The following POU3F3 variants were observed in gnomAD, a reference collection of about 807,000 sequenced individuals.
POU3F3 encodes POU domain, class 3, transcription factor 3.
A neutral mutation model predicts 8.6 loss-of-function variants in POU3F3; 1 was observed. The ratio of observed to expected loss-of-function variants is 0.12; its 90% CI spans 0.04 to 0.55. The LOEUF (loss-of-function observed/expected upper bound fraction) is 0.55, where lower values mean the gene tolerates loss of function less well. POU3F3 is among the 20% of genes least tolerant of loss of function. POU3F3 has a pLI of 0.91. For synonymous variants in POU3F3, 418 were observed against 327.4 expected (o/e 1.28, Z -2.99); for missense variants, 577 against 690.7 (o/e 0.84, Z 1.84).
chr2:104,879,787 G>T, the POU3F3 span, among the ~76,000 whole-genome samples: 3 of 152,166 alleles, frequency 2.0e-5, no homozygotes, highest in African/African-American at 7.2e-5. Context: ...GGTGCAGGGG[G>T]TGTATCCAGG....
downstream of POU3F3, among the ~76,000 whole-genome samples, chr2:104,862,321 G>T (rs954709169): frequency 2.0e-5 from 3 of 152,230 alleles, no homozygotes; most frequent in Non-Finnish European, 2.9e-5. Flanking sequence ...TTCTCTTGGC[G>T]GCACGATGTG....
At chr2:104,913,068 G>C in the POU3F3 span, among the ~76,000 whole-genome samples, 1 of 152,162 alleles carries the variant, frequency 6.6e-6, no homozygotes, top group African/African-American at 2.4e-5. Context: ...GAATGGCCAC[G>C]GGATTGCAAA....
In POU3F3 at chr2:104,856,246, G is replaced by T; in HGVS notation, c.736G>T (p.Gly246Cys). 7.8e-7 allele frequency: 1 copy of T among 1,283,106 alleles called. No homozygotes were observed. Among genetic ancestry groups the T allele is most frequent in the Non-Finnish European group, 9.8e-7 (1 of 1,024,526 alleles). 79.5% of individuals were successfully genotyped at this position (1,283,106 alleles called of 1,614,324 possible). A position where few individuals can be genotyped will look rare whatever the true frequency, so the allele number is the denominator to read the frequency against. Reference protein sequence around the residue: ...APPGPGGGGGGAGGGAQSLVH... With the variant: ...APPGPGGGGGCAGGGAQSLVH... Reference sequence around the variant, plus strand: ...ACCGGGGCCCGGCGGCGGCGGCGGCGGCGCGGGCGGTGGAGCCCAGAGCTT... The same window carrying T: ...ACCGGGGCCCGGCGGCGGCGGCGGCTGCGCGGGCGGTGGAGCCCAGAGCTT... The change falls in exon 1 of 1, where the codon GGC (glycine) becomes TGC (cysteine). Residue 246 changes from glycine (G) to cysteine (C), a missense_variant. Physicochemically the swap from Gly to Cys is radical, Grantham distance 159. Coordinates refer to ENST00000361360, the MANE Select transcript of POU3F3 (RefSeq NM_006236.3).
chr2:104,855,942 G>A lies in POU3F3; in HGVS notation c.432G>A (p.Pro144=), dbSNP rs946024694. The A allele has an allele frequency of 2.1e-5, 22 of 1,062,328 alleles. No homozygotes were observed. The African/African-American group carries it at 3.5e-4, about 17-fold the overall frequency. The allele number at this position is 1,062,328 out of a possible 1,614,324, so 65.8% of individuals were successfully genotyped here. Residue 144 remains proline, a synonymous_variant, in exon 1 of 1, where the codon CCG becomes CCA. Coordinates refer to ENST00000361360, the MANE Select transcript of POU3F3 (RefSeq NM_006236.3). ...CACCGCAGCCGCCGCCGCCACCGCC[G>A]CAGGGCCCCGACGTGAAGGGCGGCG... The part of the protein sequence containing the change: ...QQPPQPPPPP[P]QGPDVKGGAG...
At chr2:104,886,824 C>T in the POU3F3 span, among the ~76,000 whole-genome samples, 1 of 152,072 alleles carries the variant, frequency 6.6e-6, no homozygotes, top group Non-Finnish European at 1.5e-5. Flanking sequence ...AGGAGAATCA[C>T]TTGAACCTGG....
the POU3F3 span, among the ~76,000 whole-genome samples, chr2:104,864,098 C>T: frequency 1.8e-4 from 28 of 152,330 alleles, no homozygotes; most frequent in East Asian, 9.7e-4. Flanking sequence ...CGGTGAGGGT[C>T]GCTCCCCCAG....
the POU3F3 span, among the ~76,000 whole-genome samples, chr2:104,913,347 G>A: frequency 1.3e-5 from 2 of 152,060 alleles, no homozygotes; most frequent in African/African-American, 4.8e-5. Context: ...GATTCTCAGG[G>A]GATCCTCTGG....
the POU3F3 span, among the ~76,000 whole-genome samples, chr2:104,914,947 G>T: frequency 2.6e-5 from 4 of 152,340 alleles, no homozygotes; most frequent in Non-Finnish European, 5.9e-5. Flanking sequence ...AGGACAGTCT[G>T]CTGACCTCTC....
chr2:104,859,063 T>C (rs1425415894), downstream of POU3F3, among the ~76,000 whole-genome samples: 2 of 152,146 alleles, frequency 1.3e-5, no homozygotes, highest in East Asian at 3.9e-4. Flanking sequence ...ATAAGTCTTA[T>C]AAAATATTTT....
the POU3F3 span, among the ~76,000 whole-genome samples, chr2:104,895,891 G>A: frequency 1.3e-5 from 2 of 152,190 alleles, no homozygotes; most frequent in Non-Finnish European, 2.9e-5. Flanking sequence ...ACGGGCTAAA[G>A]GCCAGCTAGC....
At chr2:104,888,453 G>A in the POU3F3 span, among the ~76,000 whole-genome samples, 2 of 152,294 alleles carry the variant, frequency 1.3e-5, no homozygotes, top group South Asian at 4.1e-4. Context: ...GCTTTGGAAG[G>A]CTTTCAGAAC....
chr2:104,901,706 T>G, the POU3F3 span, among the ~76,000 whole-genome samples: 2 of 152,210 alleles, frequency 1.3e-5, no homozygotes, highest in Non-Finnish European at 1.5e-5. Context: ...TGTGTGCTTC[T>G]GCATATATGC....
the POU3F3 span, among the ~76,000 whole-genome samples, chr2:104,875,474 T>C: frequency 6.6e-6 from 1 of 152,224 alleles, no homozygotes; most frequent in Non-Finnish European, 1.5e-5. Context: ...AGTTTTAATT[T>C]CTCCACATTC....
rs763285090 is a variant in POU3F3, at chr2:104,857,015, G to T, written c.*2G>T. 1.9e-5 allele frequency: 30 copies of T among 1,586,010 alleles called. No individual in the cohort carries two copies. In the African/African-American group the frequency reaches 3.2e-4, roughly 17 times the overall value. On this transcript the variant is annotated 3_prime_UTR_variant, in exon 1 of 1. Transcript: ENST00000361360. ...GGGCTGCAGACGAGCGTTCAGTGAA[G>T]CCAGGGCGCAGAGCGAAGAGGGCCG...
At chr2:104,862,583 G>C (rs1676678500), downstream of POU3F3, among the ~76,000 whole-genome samples, 1 of 152,140 alleles carries the variant, frequency 6.6e-6, no homozygotes, top group Non-Finnish European at 1.5e-5. Context: ...GGGCGGTGGC[G>C]GTCGCGGTGG....
At position 104,855,645 on chromosome 2, in the gene POU3F3, G is replaced by C. The variant is rs1676543704; in HGVS notation, c.135G>C (p.Gly45=). 2 of 988,254 alleles carry C rather than the reference G, an allele frequency of 2.0e-6. No homozygotes were observed. The highest frequency in any genetic ancestry group is 1.8e-5 in the African/African-American group (1 of 56,286). 61.2% of individuals were successfully genotyped at this position (988,254 alleles called of 1,614,324 possible). A position where few individuals can be genotyped will look rare whatever the true frequency, so the allele number is the denominator to read the frequency against. The change falls in exon 1 of 1, where the codon GGG becomes GGC. Residue 45 remains glycine, a synonymous_variant. Transcript: ENST00000361360. ...GGGGGGGGGA[G]GGGGGMQPGS... is the part of the protein sequence containing the mutation. Reference sequence around the variant, plus strand: ...GCGGCGGCGGCGGGGGCGGCGCAGGGGGCGGGGGCGGCGGCATGCAGCCGG... The same window carrying C: ...GCGGCGGCGGCGGGGGCGGCGCAGGCGGCGGGGGCGGCGGCATGCAGCCGG...
At chr2:104,874,726 T>G in the POU3F3 span, among the ~76,000 whole-genome samples, 2 of 152,242 alleles carry the variant, frequency 1.3e-5, no homozygotes, top group African/African-American at 4.8e-5. Flanking sequence ...TCTGTCTTCC[T>G]GTGTTTATAC....
At chr2:104,917,956 T>G in the POU3F3 span, among the ~76,000 whole-genome samples, 1 of 152,278 alleles carries the variant, frequency 6.6e-6, no homozygotes, top group South Asian at 2.1e-4. Context: ...CTAGCCTGAG[T>G]TTAGTTACAT....
chr2:104,870,072 C>T, the POU3F3 span: 1 of 152,316 alleles, frequency 6.6e-6, no homozygotes, highest in Non-Finnish European at 1.5e-5. Flanking sequence ...GGCCATCATA[C>T]ATAAGCTGCC....
Sources: allele counts gnomAD v4.1 joint callset (sites outside exome capture counted in the v4.1 genomes callset), GRCh38; gene constraint gnomAD v4.1.1; transcripts MANE v1.5; gene names NCBI Gene and HGNC (gene_info 2026-07-23, HGNC 2026-07-21).